The following DYNC2H1 variants were observed in gnomAD, a reference collection of about 807,000 sequenced individuals.
DYNC2H1 encodes the protein cytoplasmic dynein 2 heavy chain 1.
Under a neutral mutation model 570.0 loss-of-function variants are expected in DYNC2H1, and 410 were observed. The observed-to-expected ratio is 0.72, with a 90% CI of 0.66 to 0.78. The LOEUF is 0.78. Ranked by LOEUF, DYNC2H1 falls within the 30% of genes least tolerant of loss-of-function variation. The pLI, the probability that DYNC2H1 is intolerant of heterozygous loss-of-function variation, is 0.00. For missense variants in DYNC2H1, 4,865 were observed against 5,046.4 expected (o/e 0.96, Z 1.09); for synonymous variants, 1,688 against 1,677.6 (o/e 1.01, Z -0.15).
At chr11:103,373,378 G>A (rs2135559745) in intron 83 of DYNC2H1, among the ~76,000 whole-genome samples, 1 of 152,210 alleles carries the variant, frequency 6.6e-6, no homozygotes, top group East Asian at 1.9e-4. Context: ...CAGTAGTAAT[G>A]TCCTCTTTTT....
chr11:103,150,375 T>G (rs1003602830), intron 20 of DYNC2H1, among the ~76,000 whole-genome samples: 1 of 152,098 alleles, frequency 6.6e-6, no homozygotes, highest in African/African-American at 2.4e-5. Context: ...GCTTGTATCA[T>G]GTAGTGGTAG....
intron 85 of DYNC2H1, among the ~76,000 whole-genome samples, chr11:103,443,171 G>A (rs1318706514): frequency 6.6e-6 from 1 of 151,958 alleles, no homozygotes; most frequent in Non-Finnish European, 1.5e-5. Context: ...AGATACAATG[G>A]AAGGTTGTGA....
chr11:103,468,799 G>C (rs530284271), intron 88 of DYNC2H1, 94 bp downstream of exon 88: 2 of 1,006,870 alleles, frequency 2.0e-6, no homozygotes, highest in African/African-American at 3.3e-5. Flanking sequence ...GTGTATTTTT[G>C]TTTGCTTTCT....
intron 36 of DYNC2H1, among the ~76,000 whole-genome samples, chr11:103,175,327 G>A (rs142078354): frequency 4.3e-4 from 65 of 152,264 alleles, no homozygotes; most frequent in South Asian, 6.2e-4. Flanking sequence ...TTAGGTTGGC[G>A]TATGCCTGGG....
In DYNC2H1 at chr11:103,243,670, A is replaced by G; in HGVS notation, c.9820-23A>G. ...AAGCTTATAATCATTAAAAAACATT[A>G]CTTTTCCTTTTTTTTATACTAGAGT... On this transcript the variant is annotated intron_variant, in intron 63 of 88. Transcript: ENST00000375735. The surrounding 1 kb of genome is among the most constrained non-coding windows in gnomAD (Gnocchi z 4.8). 2 of 1,501,556 alleles carry G rather than the reference A, an allele frequency of 1.3e-6. No homozygotes were observed. Among genetic ancestry groups the G allele is most frequent in the South Asian group, 1.2e-5 (1 of 81,732 alleles). The allele number at this position is 1,501,556 out of a possible 1,614,324, so 93.0% of individuals were successfully genotyped here.
In DYNC2H1 at chr11:103,199,363, G is replaced by A; in HGVS notation, c.7975G>A (p.Val2659Ile). 1 of 1,612,592 alleles carries A rather than the reference G, an allele frequency of 6.2e-7. No individual in the cohort carries two copies. Among genetic ancestry groups the A allele is most frequent in the South Asian group, 1.1e-5 (1 of 91,012 alleles). The change falls in exon 49 of 89, where the codon GTA (valine) becomes ATA (isoleucine). Residue 2659 changes from valine (V) to isoleucine (I), a missense_variant. Coordinates refer to ENST00000375735, the MANE Select transcript of DYNC2H1 (RefSeq NM_001377.3). This position sits in a 1 kb window ranked among gnomAD's most constrained non-coding sequence, Gnocchi z 4.6. Reference sequence around the variant, plus strand: ...ACTTCTATTAGCAGGACGCAGTGGTGTAGGTCGTCGGACCATCACTTCTTT... The same window carrying A: ...ACTTCTATTAGCAGGACGCAGTGGTATAGGTCGTCGGACCATCACTTCTTT... ...GSLLLAGRSG[V>I]GRRTITSLVS...
intron 84 of DYNC2H1, among the ~76,000 whole-genome samples, chr11:103,429,387 T>G (rs1218257169): frequency 1.3e-5 from 2 of 152,190 alleles, no homozygotes; most frequent in Non-Finnish European, 2.9e-5. Flanking sequence ...AAAGAATCAT[T>G]CAATTAAATC....
chr11:103,303,490 T>G (rs1443788458), intron 76 of DYNC2H1, among the ~76,000 whole-genome samples: 2 of 152,074 alleles, frequency 1.3e-5, no homozygotes, highest in African/African-American at 4.8e-5. Flanking sequence ...GGACCCAATA[T>G]AAAATCACAA....
Position 103,243,823 on chromosome 11 carries a change from A to G in DYNC2H1, c.9918+32A>G. 6.8e-7 allele frequency: 1 copy of G among 1,472,898 alleles called. No homozygotes were observed. The highest frequency in any genetic ancestry group is 9.3e-7 in the Non-Finnish European group (1 of 1,078,412). 91.2% of individuals were successfully genotyped at this position (1,472,898 alleles called of 1,614,324 possible). On this transcript the variant is annotated intron_variant, in intron 64 of 88. Transcript: ENST00000375735. The surrounding 1 kb of genome is among the most constrained non-coding windows in gnomAD (Gnocchi z 4.8). ...ATTATTTATAATTTACATACCAATT[A>G]GGAATGACCTCTTATAGTGAAAAGA...
At position 103,465,332 on chromosome 11, in the gene DYNC2H1, G is replaced by T. The variant is rs550092581; in HGVS notation, c.12649-3257G>T. ...AGAAGTGGAAAAATACAAGAAAGAA[G>T]AACTTAATGGTGAAAATGTCCTGTT... is the stretch of plus-strand genomic sequence containing the variant. On this transcript the variant is annotated intron_variant, in intron 87 of 88. Coordinates refer to ENST00000375735, the MANE Select transcript of DYNC2H1 (RefSeq NM_001377.3). The surrounding 1 kb of genome is among the most constrained non-coding windows in gnomAD (Gnocchi z 4.9). Among the ~76,000 whole-genome samples the T allele has an allele frequency of 1.8e-4, 27 of 152,046 alleles. No homozygotes were observed. The highest frequency in any genetic ancestry group is 6.5e-4 in the African/African-American group (27 of 41,498).
intron 84 of DYNC2H1, among the ~76,000 whole-genome samples, chr11:103,423,901 A>G (rs1317428688): frequency 6.6e-6 from 1 of 152,132 alleles, no homozygotes; most frequent in Non-Finnish European, 1.5e-5. Flanking sequence ...ATAGCAATGA[A>G]TCCTAGTATA....
chr11:103,288,684 TAAAAAAAAAA>T (rs57040929), intron 75 of DYNC2H1, among the ~76,000 whole-genome samples: 878 of 27,890 alleles, frequency 0.031, 12 homozygotes, highest in Middle Eastern at 0.045. Flanking sequence ...CCGTCTCTAC[TAAAAAAAAAA>T]AAAAAAAAAA....
chr11:103,242,104 C>A (rs1864444470), intron 63 of DYNC2H1, among the ~76,000 whole-genome samples: 1 of 151,930 alleles, frequency 6.6e-6, no homozygotes, highest in South Asian at 2.1e-4. Flanking sequence ...CCTGAAAGTT[C>A]AGGTAGTACT....
intron 61 of DYNC2H1, among the ~76,000 whole-genome samples, chr11:103,235,189 C>T (rs1431680312): frequency 6.6e-6 from 1 of 151,872 alleles, no homozygotes; most frequent in Non-Finnish European, 1.5e-5. Flanking sequence ...CTTTGCATGT[C>T]GTGGAAAACC....
Position 103,177,747 on chromosome 11 carries a change from T to A in DYNC2H1, c.6066T>A (p.Ile2022=). 6.2e-7 allele frequency: 1 copy of A among 1,613,526 alleles called. No homozygotes were observed. The highest frequency in any genetic ancestry group is 8.5e-7 in the Non-Finnish European group (1 of 1,179,698). The change falls in exon 38 of 89, where the codon ATT becomes ATA. Residue 2022 remains isoleucine (I), a synonymous_variant. Coordinates refer to ENST00000375735, the MANE Select transcript of DYNC2H1 (RefSeq NM_001377.3). This position sits in a 1 kb window ranked among gnomAD's most constrained non-coding sequence, Gnocchi z 4.4. ...CTCGATATCAATTATTAGGCCATAT[T>A]GACATGGACACAAGAGAATGGTCTG... The part of the protein sequence containing the change: ...AMPRYQLLGH[I]DMDTREWSDG...
At chr11:103,463,897 T>A (rs1378824789) in intron 87 of DYNC2H1, among the ~76,000 whole-genome samples, 1 of 152,198 alleles carries the variant, frequency 6.6e-6, no homozygotes, top group Admixed American at 6.5e-5. Flanking sequence ...ATCCACGAGA[T>A]CTGCAGTATC....
intron 75 of DYNC2H1, among the ~76,000 whole-genome samples, chr11:103,295,291 G>A (rs1866773285): frequency 6.6e-6 from 1 of 152,120 alleles, no homozygotes; most frequent in Non-Finnish European, 1.5e-5. Flanking sequence ...ATTCTGTCTG[G>A]TAATGAGGAG....
chr11:103,367,067 A>G (rs757244303), intron 83 of DYNC2H1, among the ~76,000 whole-genome samples: 6 of 152,278 alleles, frequency 3.9e-5, no homozygotes, highest in South Asian at 2.1e-4. Flanking sequence ...CAAGTTTTCA[A>G]TCAACTACTA....
intron 46 of DYNC2H1, among the ~76,000 whole-genome samples, chr11:103,191,834 T>C (rs879704238): frequency 6.6e-6 from 1 of 152,032 alleles, no homozygotes. Context: ...ATCATTATAT[T>C]TGAGGCAAAG....
Sources: gnomAD v4.1 joint callset for allele counts (sites outside exome capture counted in the v4.1 genomes callset) on GRCh38, gnomAD v4.1.1 for gene constraint, Gnocchi (gnomAD v3.1) non-coding constraint, MANE v1.5 for transcripts, NCBI Gene and HGNC (gene_info 2026-07-23, HGNC 2026-07-21) for gene names.